SRGAP1: variants seen among roughly 807,000 people sequenced by gnomAD.
SRGAP1 encodes SLIT-ROBO Rho GTPase activating protein 1, also known as SLIT-ROBO Rho GTPase-activating protein 1.
Under a neutral mutation model 121.9 loss-of-function variants are expected in SRGAP1, and 43 were observed. The ratio of observed to expected loss-of-function variants is 0.35; its 90% CI spans 0.28 to 0.46. SRGAP1 has a LOEUF of 0.46. SRGAP1 is among the 20% of genes least tolerant of loss of function. The probability of loss-of-function intolerance (pLI) is 1.00; values close to 1 mark genes in which losing one functional copy is unlikely to be tolerated. For synonymous variants in SRGAP1, 447 were observed against 485.4 expected (o/e 0.92, Z 1.04); for missense variants, 1,102 against 1,350.9 (o/e 0.82, Z 2.89).
chr12:64,115,961 T>A, intron 18 of SRGAP1, 68 bp downstream of exon 18: 1 of 1,438,912 alleles, frequency 6.9e-7, no homozygotes, highest in Non-Finnish European at 9.5e-7. Context: ...TTGCTTGTAT[T>A]AACATTTTAG....
At chr12:64,107,160 A>G (rs1327552102) in intron 15 of SRGAP1, among the ~76,000 whole-genome samples, 1 of 152,216 alleles carries the variant, frequency 6.6e-6, no homozygotes, top group Admixed American at 6.5e-5. Flanking sequence ...AATATTCCTA[A>G]TAGATTTTTC....
chr12:63,852,994 AG>A (rs1899124602), intron 1 of SRGAP1, among the ~76,000 whole-genome samples: 2 of 151,618 alleles, frequency 1.3e-5, no homozygotes, highest in East Asian at 3.9e-4. Flanking sequence ...AGAATTATCT[AG>A]GATGTCCAAA....
intron 1 of SRGAP1, among the ~76,000 whole-genome samples, chr12:63,972,283 TGTG>T (rs1336207031): frequency 1.2e-4 from 18 of 152,338 alleles, no homozygotes; most frequent in African/African-American, 4.1e-4. Context: ...GGTATTCTCT[TGTG>T]GTAGAAGTAG....
At chr12:63,986,466 C>G (rs1008675482) in intron 2 of SRGAP1, among the ~76,000 whole-genome samples, 2 of 151,756 alleles carry the variant, frequency 1.3e-5, no homozygotes, top group African/African-American at 4.9e-5. Flanking sequence ...CTCTGTCGCC[C>G]AGGCTGGAGT....
intron 1 of SRGAP1, among the ~76,000 whole-genome samples, chr12:63,854,440 T>G (rs1388511801): frequency 6.6e-6 from 1 of 152,140 alleles, no homozygotes; most frequent in Non-Finnish European, 1.5e-5. Context: ...ATGGATGAAA[T>G]TAGGACATCT....
intron 15 of SRGAP1, among the ~76,000 whole-genome samples, chr12:64,104,156 A>C (rs1221946334): frequency 1.3e-5 from 2 of 152,200 alleles, no homozygotes; most frequent in Non-Finnish European, 2.9e-5. Context: ...GACCATTTGA[A>C]CTTTTTGCCA....
intron 3 of SRGAP1, among the ~76,000 whole-genome samples, chr12:63,998,149 G>T (rs974167597): frequency 6.6e-6 from 1 of 152,070 alleles, no homozygotes; most frequent in Non-Finnish European, 1.5e-5. Context: ...CTCAATTCCA[G>T]TGTAAGTTCC....
chr12:64,049,606 C>T (rs2035199172), intron 6 of SRGAP1, among the ~76,000 whole-genome samples: 1 of 152,176 alleles, frequency 6.6e-6, no homozygotes, highest in South Asian at 2.1e-4. Flanking sequence ...AACTACAATT[C>T]AAGATGAGAT....
chr12:64,007,644 C>T (rs1016161506), intron 3 of SRGAP1, among the ~76,000 whole-genome samples: 2 of 152,100 alleles, frequency 1.3e-5, no homozygotes, highest in Non-Finnish European at 2.9e-5. Flanking sequence ...ATTTGAAGAC[C>T]TGTCATACAG....
chr12:64,010,189 A>G (rs1490806830), intron 3 of SRGAP1, among the ~76,000 whole-genome samples: 1 of 151,732 alleles, frequency 6.6e-6, no homozygotes, highest in Non-Finnish European at 1.5e-5. Context: ...TTTCTCTTTT[A>G]CTCCCGCGGT....
chr12:63,980,784 G>A (rs1201531620), intron 1 of SRGAP1, among the ~76,000 whole-genome samples: 1 of 151,974 alleles, frequency 6.6e-6, no homozygotes, highest in Non-Finnish European at 1.5e-5. Flanking sequence ...AGTAGAGACA[G>A]GGTTTCACAA....
chr12:63,907,411 A>G (rs1222189079), intron 1 of SRGAP1, among the ~76,000 whole-genome samples: 3 of 151,900 alleles, frequency 2.0e-5, no homozygotes, highest in Admixed American at 2.0e-4. Context: ...GGTGGCAGGC[A>G]CCTGTAATCC....
At chr12:64,088,541 CAT>C (rs2035988004) in intron 11 of SRGAP1, among the ~76,000 whole-genome samples, 1 of 152,190 alleles carries the variant, frequency 6.6e-6, no homozygotes, top group Non-Finnish European at 1.5e-5. Context: ...ATCAGGAAGT[CAT>C]GTGGTAGCCA....
chr12:64,065,828 G>A (rs2035529897), intron 8 of SRGAP1, among the ~76,000 whole-genome samples: 2 of 152,038 alleles, frequency 1.3e-5, no homozygotes, highest in Admixed American at 1.3e-4. Context: ...GATATAATTA[G>A]AACAAAATCA....
At chr12:63,971,864 G>A (rs931881673) in intron 1 of SRGAP1, among the ~76,000 whole-genome samples, 1 of 152,024 alleles carries the variant, frequency 6.6e-6, no homozygotes, top group African/African-American at 2.4e-5. Context: ...TTTATTTTAT[G>A]ATTTAGAATT....
At chr12:63,932,009 T>G (rs572763223) in intron 1 of SRGAP1, among the ~76,000 whole-genome samples, 1 of 152,312 alleles carries the variant, frequency 6.6e-6, no homozygotes, top group East Asian at 1.9e-4. Context: ...TTGGATAGAT[T>G]ATCTACCTGT....
Position 64,153,172 on chromosome 12 carries a change from A to C in SRGAP1, c.*10500A>C, listed in dbSNP as rs1449190231. 2 of 152,012 alleles carry C rather than the reference A, an allele frequency of 1.3e-5. No homozygotes were observed. 9.4% of individuals were successfully genotyped at this position (152,012 alleles called of 1,614,324 possible). ...GAAAGACCCAAGCAGAAGGAACTGC[A>C]CATGGGAAAACAGGACCATGCTCAC... On this transcript the variant is annotated 3_prime_UTR_variant, in exon 22 of 22. Coordinates refer to ENST00000355086, the MANE Select transcript of SRGAP1 (RefSeq NM_020762.4).
intron 3 of SRGAP1, among the ~76,000 whole-genome samples, chr12:63,997,949 A>G (rs550792774): frequency 2.0e-5 from 3 of 152,196 alleles, no homozygotes; most frequent in Admixed American, 1.3e-4. Flanking sequence ...AATAGGAAAA[A>G]CTAGAATAAT....
chr12:64,053,318 T>C (rs908868362), intron 6 of SRGAP1, among the ~76,000 whole-genome samples: 2 of 152,190 alleles, frequency 1.3e-5, no homozygotes, highest in Non-Finnish European at 2.9e-5. Flanking sequence ...CGGGTGTGGT[T>C]GTATTGCAGT....
Sources: gnomAD v4.1 joint callset for allele counts (sites outside exome capture counted in the v4.1 genomes callset) on GRCh38, gnomAD v4.1.1 for gene constraint, MANE v1.5 for transcripts, NCBI Gene and HGNC (gene_info 2026-07-23, HGNC 2026-07-21) for gene names.